Variants in ASPM observed in about 807,000 individuals in gnomAD.
ASPM encodes the protein abnormal spindle-like microcephaly-associated protein.
Under a neutral mutation model 366.4 loss-of-function variants are expected in ASPM, and 256 were observed. The ratio of observed to expected loss-of-function variants is 0.70; its 90% CI spans 0.63 to 0.77. The LOEUF (loss-of-function observed/expected upper bound fraction) is 0.77. Ranked by LOEUF, ASPM falls within the 30% of genes least tolerant of loss-of-function variation. The pLI is 0.00. For missense variants in ASPM, 4,146 were observed against 4,090.4 expected (o/e 1.01, Z -0.37); for synonymous variants, 1,414 against 1,342.9 (o/e 1.05, Z -1.16).
rs1179002848 is a variant in ASPM, at chr1:197,101,687, A to G, written c.7564T>C (p.Leu2522=). The G allele has an allele frequency of 6.2e-7, 1 of 1,611,974 alleles. No individual in the cohort carries two copies. Among genetic ancestry groups the G allele is most frequent in the Admixed American group, 1.7e-5 (1 of 59,734 alleles). The change falls in exon 18 of 28, where the codon TTA becomes CTA. Residue 2522 remains leucine, a synonymous_variant. Transcript: ENST00000367409. ...QHYRTYRAAK[L]QRENYIRQWH... is the part of the protein sequence containing the mutation. ...TGTCTGATATAATTTTCTCTTTGTA[A>G]TTTTGCAGCTCTATATGTTCGATAA...
At chr1:197,145,900 T>C (rs547744895) in intron 1 of ASPM, among the ~76,000 whole-genome samples, 1 of 151,852 alleles carries the variant, frequency 6.6e-6, no homozygotes, top group Non-Finnish European at 1.5e-5. Context: ...CTCACACACA[T>C]GTGTATGCGT....
chr1:197,140,720 T>C (rs941653242), intron 3 of ASPM, among the ~76,000 whole-genome samples: 1 of 152,136 alleles, frequency 6.6e-6, no homozygotes, highest in Non-Finnish European at 1.5e-5. Flanking sequence ...GAAAACAGTA[T>C]GGACAATGGA....
rs376130761 is a variant in ASPM at position 197,090,850 on chromosome 1, C to T, written c.9636G>A (p.Gln3212=). 5.0e-6 allele frequency: 8 copies of T among 1,611,678 alleles called. No homozygotes were observed. The highest frequency in any genetic ancestry group is 6.8e-6 in the Non-Finnish European group (8 of 1,178,424). The change falls in exon 23 of 28, where the codon CAG becomes CAA. Residue 3212 remains glutamine, a splice_region_variant and synonymous_variant. Coordinates refer to ENST00000367409, the MANE Select transcript of ASPM (RefSeq NM_018136.5). The part of the protein sequence containing the change: ...EKFTSGIIKI[Q]ALWRGYSWRK... Reference sequence around the variant, plus strand: ...CTAAAACTATACAAGTTTCAATTACCTGAATTTTAATGATTCCACTAGTGA... The same window carrying T: ...CTAAAACTATACAAGTTTCAATTACTTGAATTTTAATGATTCCACTAGTGA...
chr1:197,086,956 G>A lies in ASPM; in HGVS notation c.10178C>T (p.Ser3393Phe), dbSNP rs1656610442. The A allele has an allele frequency of 6.2e-7, 1 of 1,608,744 alleles. No individual in the cohort carries two copies. Residue 3393 changes from serine to phenylalanine, a missense_variant, in exon 27 of 28, where the codon TCC becomes TTC. Around this residue, in one of 3 missense-constraint regions of ASPM, gnomAD observed 3,624 missense variants for 3,591.7 expected, o/e 1.01. Coordinates refer to ENST00000367409, the MANE Select transcript of ASPM (RefSeq NM_018136.5). Reference protein sequence around the residue: ...TNRASDVRSRSKVVDRIYSLY... With the variant: ...TNRASDVRSRFKVVDRIYSLY... Reference sequence around the variant, plus strand: ...ACTGTAAATACGGTCAACAACTTTGGACCTACTTCGTACATCCTACAAAAT... The same window carrying A: ...ACTGTAAATACGGTCAACAACTTTGAACCTACTTCGTACATCCTACAAAAT...
At position 197,103,144 on chromosome 1, in the gene ASPM, A is replaced by C. The variant is rs763984813; in HGVS notation, c.6107T>G (p.Val2036Gly). ...TLQSAYRGMK[V>G]RKRIKDCNKA... ...GTTGCAATCCTTTATTCTTTTTCTC[A>C]CTTTCATACCACGATAAGCTGACTG... Residue 2036 changes from valine to glycine, a missense_variant, in exon 18 of 28, where the codon GTG (valine) becomes GGG (glycine). Val to Gly is a moderately radical substitution (Grantham distance 109). Transcript: ENST00000367409. The C allele has an allele frequency of 3.7e-5, 59 of 1,612,442 alleles. No homozygotes were observed. The Admixed American group carries it at 9.7e-4, about 27-fold the overall frequency.
Position 197,122,238 on chromosome 1 carries a change from C to G in ASPM, c.3662G>C (p.Arg1221Thr). 1 of 1,612,970 alleles carries G rather than the reference C, an allele frequency of 6.2e-7. No homozygotes were observed. Among genetic ancestry groups the G allele is most frequent in the Non-Finnish European group, 8.5e-7 (1 of 1,179,196 alleles). Residue 1221 changes from arginine to threonine, a missense_variant, in exon 15 of 28, where the codon AGG becomes ACG. Physicochemically the swap from Arg to Thr is moderately conservative, Grantham distance 71 (BLOSUM62 -1). Around this residue, in one of 3 missense-constraint regions of ASPM, gnomAD observed 3,624 missense variants for 3,591.7 expected, o/e 1.01. Transcript: ENST00000367409. ...TCCACCAAGGTCTCTAACTGCAGAC[C>G]TAACCAAGTGAAAATTTTTCTTTTC... ...ENEKKNFHLV[R>T]SAVRDLGGIP...
intron 17 of ASPM, among the ~76,000 whole-genome samples, chr1:197,112,834 G>A (rs1025922242): frequency 1.6e-4 from 24 of 151,946 alleles, no homozygotes; most frequent in Non-Finnish European, 1.8e-4. Context: ...GACTGCCTTG[G>A]GCACATGTCA....
Position 197,101,386 on chromosome 1 carries a change from T to C in ASPM, c.7865A>G (p.Gln2622Arg). The C allele has an allele frequency of 6.2e-7, 1 of 1,609,012 alleles. No individual in the cohort carries two copies. Residue 2622 changes from glutamine (Q) to arginine (R), a missense_variant, in exon 18 of 28, where the codon CAG becomes CGG. By Grantham distance (43) the Gln-to-Arg change is conservative. Transcript: ENST00000367409. The part of the protein sequence containing the change: ...FQDMNIKKQI[Q>R]EQHQAAIIIQ... ...AATAATGGCAGCCTGGTGCTGTTCC[T>C]GAATCTGTTTTTTTATGTTCATGTC...
rs1422356566 is a variant in ASPM at position 197,146,242 on chromosome 1, C to G, written c.196G>C (p.Ala66Pro). 2 of 1,613,934 alleles carry G rather than the reference C, an allele frequency of 1.2e-6. No individual in the cohort carries two copies. Among genetic ancestry groups the G allele is most frequent in the Admixed American group, 3.3e-5 (2 of 59,988 alleles). ...LLGASRTLSL[A>P]LDNPNEEVAE... is the part of the protein sequence containing the mutation. ...ACCTCCTCGTTAGGGTTGTCTAGGG[C>G]CAGAGACAGCGTCCGTGAGGCTCCC... Residue 66 changes from alanine to proline, a missense_variant, in exon 1 of 28, where the codon GCC becomes CCC. Physicochemically the swap from Ala to Pro is conservative, Grantham distance 27. Around this residue, in one of 3 missense-constraint regions of ASPM, gnomAD observed 512 missense variants for 471.7 expected, o/e 1.09. Transcript: ENST00000367409.
chr1:197,107,305 C>T (rs1194107008), intron 17 of ASPM, among the ~76,000 whole-genome samples: 1 of 152,032 alleles, frequency 6.6e-6, no homozygotes, highest in Non-Finnish European at 1.5e-5. Context: ...CTGGGTGTTA[C>T]ATAATGAAAC....
In ASPM at chr1:197,124,902, T is replaced by C. The variant is rs752700424; in HGVS notation, c.3136A>G (p.Arg1046Gly). Residue 1046 changes from arginine to glycine, a missense_variant, in exon 12 of 28, where the codon AGG becomes GGG. Arg to Gly is a moderately radical substitution (Grantham distance 125, BLOSUM62 -2). This residue lies in a region of ASPM where 3,624 missense variants were observed against 3,591.7 expected (regional missense o/e 1.01). Coordinates refer to ENST00000367409, the MANE Select transcript of ASPM (RefSeq NM_018136.5). ...IVDRHREKTLRLLWKIAFAFQ... is the reference protein window; with the variant it reads ...IVDRHREKTLGLLWKIAFAFQ... ...GCAAACGCTATTTTCCAAAGCAACC[T>C]GAGAGTTTTTTCTCTGTGCCTATCC... 3.1e-6 allele frequency: 5 copies of C among 1,610,920 alleles called. No homozygotes were observed. Among genetic ancestry groups the C allele is most frequent in the Non-Finnish European group, 4.2e-6 (5 of 1,177,480 alleles).
Position 197,104,785 on chromosome 1 carries a change from G to T in ASPM, c.4466C>A (p.Ser1489Tyr). ...KELRKYIYIR[S>Y]CVVIIQKRFR... Reference sequence around the variant, plus strand: ...TCTTTTCTGAATGATAACAACACAAGATCTAATATAAATATATTTCCGTAA... The same window carrying T: ...TCTTTTCTGAATGATAACAACACAATATCTAATATAAATATATTTCCGTAA... The change falls in exon 18 of 28, where the codon TCT (serine) becomes TAT (tyrosine). Residue 1489 changes from serine (S) to tyrosine (Y), a missense_variant. Around this residue, in one of 3 missense-constraint regions of ASPM, gnomAD observed 3,624 missense variants for 3,591.7 expected, o/e 1.01. Transcript: ENST00000367409. The T allele has an allele frequency of 1.3e-6, 2 of 1,587,760 alleles. No individual in the cohort carries two copies. Among genetic ancestry groups the T allele is most frequent in the Non-Finnish European group, 1.7e-6 (2 of 1,170,202 alleles).
rs876661036 is a variant in ASPM, at chr1:197,101,127, A to C, written c.8124T>G (p.Tyr2708Ter). The change falls in exon 18 of 28, where the codon TAT becomes TAG. Residue 2708 changes from tyrosine (Y) to a stop codon, truncating the protein, a stop_gained. Coordinates refer to ENST00000367409, the MANE Select transcript of ASPM (RefSeq NM_018136.5). LOFTEE classifies it high-confidence loss of function. ...FYRMHRAKVD[Y>*]ETKKTAIVVI... ...CCACAATTGCAGTTTTCTTTGTTTC[A>C]TAATCAACTTTGGCCCTGTGCATTC... The C allele has an allele frequency of 2.0e-5, 33 of 1,612,272 alleles. No homozygotes were observed. Among genetic ancestry groups the C allele is most frequent in the Non-Finnish European group, 2.8e-5 (33 of 1,179,028 alleles).
At position 197,104,833 on chromosome 1, in the gene ASPM, G is replaced by A; in HGVS notation, c.4418C>T (p.Ser1473Leu). The change falls in exon 18 of 28, where the codon TCA (serine) becomes TTA (leucine). Residue 1473 changes from serine (S) to leucine (L), a missense_variant. Around this residue, in one of 3 missense-constraint regions of ASPM, gnomAD observed 3,624 missense variants for 3,591.7 expected, o/e 1.01. Coordinates refer to ENST00000367409, the MANE Select transcript of ASPM (RefSeq NM_018136.5). Reference protein sequence around the residue: ...KEENSAIIIQSWYRMHKELRK... With the variant: ...KEENSAIIIQLWYRMHKELRK... The stretch of plus-strand genomic sequence containing the variant: ...TAATTCTTTATGCATTCTATACCAT[G>A]ATTGTATGATAATAGCAGAATTTTC... 1 of 1,592,636 alleles carries A rather than the reference G, an allele frequency of 6.3e-7. No individual in the cohort carries two copies. The highest frequency in any genetic ancestry group is 1.4e-5 in the African/African-American group (1 of 73,758).
chr1:197,108,807 C>CA (rs1283793071), intron 17 of ASPM, among the ~76,000 whole-genome samples: 2 of 151,412 alleles, frequency 1.3e-5, no homozygotes, highest in Non-Finnish European at 2.9e-5. Flanking sequence ...CCTATCTCCA[C>CA]AAAAAATACA....
In ASPM at chr1:197,096,209, T is replaced by A. The variant is rs573386202; in HGVS notation, c.8821-45A>T. On this transcript the variant is annotated intron_variant, in intron 18 of 27. Coordinates refer to ENST00000367409, the MANE Select transcript of ASPM (RefSeq NM_018136.5). ...AACAAGTATGCAATGAGTTGTCTCT[T>A]TTTTTTTGTAAATAAGACAAATCAG... 8.7e-6 allele frequency: 13 copies of A among 1,492,394 alleles called. No individual in the cohort carries two copies. The Admixed American group carries it at 1.2e-4, about 14-fold the overall frequency. 92.4% of individuals were successfully genotyped at this position (1,492,394 alleles called of 1,614,324 possible).
At chr1:197,111,946 AG>A (rs544701226) in intron 17 of ASPM, among the ~76,000 whole-genome samples, 14 of 152,214 alleles carry the variant, frequency 9.2e-5, no homozygotes, top group Non-Finnish European at 1.6e-4. Flanking sequence ...TGTGGAAGAC[AG>A]TGTGGTGATT....
In ASPM at chr1:197,145,185, G is replaced by A. The variant is rs371407231; in HGVS notation, c.297+956C>T. Among the ~76,000 whole-genome samples the A allele has an allele frequency of 5.8e-4, 89 of 152,214 alleles. 2 individuals are homozygous for A. In the East Asian group the frequency reaches 0.015, roughly 25 times the overall value. On this transcript the variant is annotated intron_variant, in intron 1 of 27. Transcript: ENST00000367409. Reference sequence around the variant, plus strand: ...AAGTGGTTATTAGCCTACTAGTTCAGACCTCCTCGGCTAACGGTTTTCATA... The same window carrying A: ...AAGTGGTTATTAGCCTACTAGTTCAAACCTCCTCGGCTAACGGTTTTCATA...
Position 197,104,272 on chromosome 1 carries a change from A to G in ASPM, c.4979T>C (p.Ile1660Thr), listed in dbSNP as rs747043336. Residue 1660 changes from isoleucine to threonine, a missense_variant, in exon 18 of 28, where the codon ATA becomes ACA. Coordinates refer to ENST00000367409, the MANE Select transcript of ASPM (RefSeq NM_018136.5). The part of the protein sequence containing the change: ...KMYIHILTSV[I>T]KIQSYYRAYV... Reference sequence around the variant, plus strand: ...AGCACGATAATATGATTGAATCTTTATAACAGATGTGAGGATGTGAATATA... The same window carrying G: ...AGCACGATAATATGATTGAATCTTTGTAACAGATGTGAGGATGTGAATATA... 4 of 1,613,028 alleles carry G rather than the reference A, an allele frequency of 2.5e-6. No homozygotes were observed. Among genetic ancestry groups the G allele is most frequent in the African/African-American group, 1.3e-5 (1 of 74,954 alleles).
Sources: allele counts gnomAD v4.1 joint callset (sites outside exome capture counted in the v4.1 genomes callset), GRCh38; gene constraint gnomAD v4.1.1; regional missense constraint gnomAD v4.1.1; transcripts MANE v1.5; gene names NCBI Gene and HGNC (gene_info 2026-07-23, HGNC 2026-07-21).